Variants in PNLIPRP1 observed in about 807,000 individuals in gnomAD.
The protein encoded by PNLIPRP1 is pancreatic lipase related protein 1.
Under a neutral mutation model 54.6 loss-of-function variants are expected in PNLIPRP1, and 57 were observed. That is an observed-to-expected ratio of 1.04 (90% CI 0.84 to 1.30). The LOEUF (loss-of-function observed/expected upper bound fraction) is 1.30. Among genes scored for constraint, PNLIPRP1 ranks in the 50% most tolerant of loss-of-function variants. The pLI, the probability that PNLIPRP1 is intolerant of heterozygous loss-of-function variation, is 0.00. For synonymous variants in PNLIPRP1, 232 were observed against 208.8 expected (o/e 1.11, Z -0.96); for missense variants, 567 against 568.5 (o/e 1.00, Z 0.03).
At chr10:116,593,009 GATACAAAAATCAGC>G in intron 4 of PNLIPRP1, 1 of 229,424 alleles carries the variant, frequency 4.4e-6, no homozygotes, top group Non-Finnish European at 8.7e-6. Context: ...CTCTACTAAT[GATACAAAAATCAGC>G]CTGTTGTGGT....
chr10:116,594,790 G>A lies in PNLIPRP1; in HGVS notation c.391G>A (p.Ala131Thr), dbSNP rs2133229552. 1 of 1,614,152 alleles carries A rather than the reference G, an allele frequency of 6.2e-7. No homozygotes were observed. Among genetic ancestry groups the A allele is most frequent in the Non-Finnish European group, 8.5e-7 (1 of 1,180,032 alleles). Residue 131 changes from alanine to threonine, a missense_variant, in exon 5 of 13, where the codon GCC becomes ACC. Ala to Thr is a moderately conservative substitution (Grantham distance 58). Transcript: ENST00000358834. ...CGTGGACTGGAAGAAGGGCTCCCAAGCCACCTACACACAGGCTGCCAACAA... is the reference window on the plus strand; with the variant it reads ...CGTGGACTGGAAGAAGGGCTCCCAAACCACCTACACACAGGCTGCCAACAA... ...ICVDWKKGSQATYTQAANNVR... is the reference protein window; with the variant it reads ...ICVDWKKGSQTTYTQAANNVR...
chr10:116,592,231 G>A (rs556407368), intron 3 of PNLIPRP1, 185 bp from the exon 4 acceptor site: 3 of 683,792 alleles, frequency 4.4e-6, no homozygotes, highest in Admixed American at 3.0e-5. Context: ...AGGCCTAGTG[G>A]AAGCAGTGAT....
intron 12 of PNLIPRP1, among the ~76,000 whole-genome samples, chr10:116,606,378 T>C (rs767612124): frequency 6.6e-6 from 1 of 152,054 alleles, no homozygotes; most frequent in Non-Finnish European, 1.5e-5. Context: ...AACAAAGAGG[T>C]TGGCCCTGCC....
Position 116,604,150 on chromosome 10 carries a change from T to C in PNLIPRP1, c.1172+12T>C, listed in dbSNP as rs782048887. ...TACAGTATCTTCAGGTAATTTCCTA[T>C]TTTAACACTACGTCTCATTTGATGA... On this transcript the variant is annotated intron_variant, in intron 11 of 12. Transcript: ENST00000358834. 7.2e-7 allele frequency: 1 copy of C among 1,383,834 alleles called. No homozygotes were observed. Among genetic ancestry groups the C allele is most frequent in the South Asian group, 1.2e-5 (1 of 85,838 alleles). The allele number at this position is 1,383,834 out of a possible 1,614,324, so 85.7% of individuals were successfully genotyped here.
Position 116,604,878 on chromosome 10 carries a change from G to C in PNLIPRP1, c.1173-508G>C, listed in dbSNP as rs111856380. ...TGATTTTTGTATTTTTAGTAGAGAT[G>C]GGGGGCGTTTTGCCATGTTGGCCAG... On this transcript the variant is annotated intron_variant, in intron 11 of 12. Coordinates refer to ENST00000358834, the MANE Select transcript of PNLIPRP1 (RefSeq NM_006229.4). Among the ~76,000 whole-genome samples, 1,264 of 151,852 alleles carry C rather than the reference G, an allele frequency of 8.3e-3. 17 individuals are homozygous for C. The highest frequency in any genetic ancestry group is 0.029 in the African/African-American group (1,192 of 41,434).
intron 4 of PNLIPRP1, chr10:116,594,050 T>G (rs1554863606): frequency 3.9e-6 from 1 of 256,264 alleles, no homozygotes; most frequent in Non-Finnish European, 7.7e-6. Context: ...TCACACATAT[T>G]AGTATACTAT....
intron 11 of PNLIPRP1, among the ~76,000 whole-genome samples, chr10:116,604,868 T>C (rs1847911585): frequency 6.6e-6 from 1 of 152,028 alleles, no homozygotes; most frequent in Non-Finnish European, 1.5e-5. Flanking sequence ...TTTGTATTTT[T>C]AGTAGAGATG....
chr10:116,599,791 A>C (rs1476304383), intron 8 of PNLIPRP1, among the ~76,000 whole-genome samples: 1 of 152,198 alleles, frequency 6.6e-6, no homozygotes, highest in Non-Finnish European at 1.5e-5. Context: ...ATGCATAAAT[A>C]AGGATGATAT....
chr10:116,596,366 C>T lies in PNLIPRP1; in HGVS notation c.574+44C>T, dbSNP rs1260007503. 7.5e-6 allele frequency: 9 copies of T among 1,193,630 alleles called. No homozygotes were observed. In the African/African-American group the frequency reaches 1.1e-4, roughly 14 times the overall value. The allele number at this position is 1,193,630 out of a possible 1,614,324, so 73.9% of individuals were successfully genotyped here. ...GGCCCCAGTTTTGTCCCCAGAAACCCCAGAATGAGGTCTCAAGAATGCAGC... is the reference window on the plus strand; with the variant it reads ...GGCCCCAGTTTTGTCCCCAGAAACCTCAGAATGAGGTCTCAAGAATGCAGC... On this transcript the variant is annotated intron_variant, in intron 6 of 12. Transcript: ENST00000358834.
At chr10:116,595,972 A>G (rs1385237716) in intron 5 of PNLIPRP1, 1 of 407,580 alleles carries the variant, frequency 2.5e-6, no homozygotes, top group Admixed American at 4.0e-5. Context: ...AACCAGGCCC[A>G]GAGGTGAGAG....
At chr10:116,595,017 C>T (rs1320623194) in intron 5 of PNLIPRP1, 153 bp downstream of exon 5, 3 of 899,752 alleles carry the variant, frequency 3.3e-6, no homozygotes, top group African/African-American at 3.3e-5. Context: ...TTCATAATGA[C>T]ACGCCAGTGG....
chr10:116,597,170 T>C (rs1265219896), intron 6 of PNLIPRP1, among the ~76,000 whole-genome samples: 1 of 152,216 alleles, frequency 6.6e-6, no homozygotes, highest in African/African-American at 2.4e-5. Flanking sequence ...CTTCAAAAAC[T>C]ATTAACAAAT....
intron 10 of PNLIPRP1, among the ~76,000 whole-genome samples, 190 bp downstream of exon 10, chr10:116,601,391 T>C (rs1847836939): frequency 6.6e-6 from 1 of 152,236 alleles, no homozygotes; most frequent in African/African-American, 2.4e-5. Flanking sequence ...TCTTCCGTTC[T>C]ATTTCTGCGG....
chr10:116,594,692 C>T (rs200507921), intron 4 of PNLIPRP1, 38 bp from the exon 5 acceptor site: 3 of 1,613,006 alleles, frequency 1.9e-6, no homozygotes, highest in Non-Finnish European at 2.5e-6. Context: ...TCCCCTGCTC[C>T]CATTATCTCC....
At chr10:116,608,206 GGTT>G (rs1163412320) in intron 12 of PNLIPRP1, among the ~76,000 whole-genome samples, 1 of 152,168 alleles carries the variant, frequency 6.6e-6, no homozygotes, top group Non-Finnish European at 1.5e-5. Context: ...CTAGTGGGCA[GGTT>G]GTTTAGTAGG....
chr10:116,594,721 C>T lies in PNLIPRP1; in HGVS notation c.331-9C>T. On this transcript the variant is annotated splice_polypyrimidine_tract_variant and intron_variant, in intron 4 of 12. Transcript: ENST00000358834. ...TATCTCCCCAACCCCACTATCTCCC[C>T]AACACCAGAAACTGTTCGAGGTGGA... The T allele has an allele frequency of 6.2e-7, 1 of 1,614,104 alleles. No homozygotes were observed. The highest frequency in any genetic ancestry group is 8.5e-7 in the Non-Finnish European group (1 of 1,179,988).
chr10:116,607,997 A>G (rs111933523), intron 12 of PNLIPRP1, among the ~76,000 whole-genome samples: 39 of 152,240 alleles, frequency 2.6e-4, no homozygotes, highest in African/African-American at 6.0e-4. Flanking sequence ...CTGGGATTAC[A>G]GGCATGCACC....
intron 12 of PNLIPRP1, among the ~76,000 whole-genome samples, chr10:116,606,737 G>A (rs1847942444): frequency 6.6e-6 from 1 of 152,162 alleles, no homozygotes; most frequent in African/African-American, 2.4e-5. Flanking sequence ...AAAGGCTGAG[G>A]CTTTCTGAAC....
At position 116,596,327 on chromosome 10, in the gene PNLIPRP1, G is replaced by C; in HGVS notation, c.574+5G>C. On this transcript the variant is annotated splice_donor_5th_base_variant and intron_variant, in intron 6 of 12. Coordinates refer to ENST00000358834, the MANE Select transcript of PNLIPRP1 (RefSeq NM_006229.4). ...CAGGCCTGAGCAGGATTACAGGTAA[G>C]GCCCCAGAGGCAGGGCCCCAGTTTT... The C allele has an allele frequency of 6.4e-7, 1 of 1,572,438 alleles. No homozygotes were observed. The highest frequency in any genetic ancestry group is 1.1e-5 in the South Asian group (1 of 89,482).
Sources: gnomAD v4.1 joint callset for allele counts (sites outside exome capture counted in the v4.1 genomes callset) on GRCh38, gnomAD v4.1.1 for gene constraint, MANE v1.5 for transcripts, NCBI Gene and HGNC (gene_info 2026-07-23, HGNC 2026-07-21) for gene names.